Variants in ARL5A observed in about 807,000 individuals in gnomAD.
ARL5A encodes ARF like GTPase 5A.
In ARL5A, 18 loss-of-function variants were observed where a neutral mutation model predicts 25.9. The observed-to-expected ratio is 0.69, with a 90% confidence interval of 0.48 to 1.03. The LOEUF (loss-of-function observed/expected upper bound fraction) is 1.03. Ranked by LOEUF, ARL5A falls within the 50% of genes least tolerant of loss-of-function variation. ARL5A has a pLI of 0.00. For synonymous variants in ARL5A, 61 were observed against 67.5 expected, an observed-to-expected ratio of 0.90 and a Z score of 0.47; for missense variants, 170 against 211.9, an observed-to-expected ratio of 0.80 and a Z score of 1.23.
In ARL5A at chr2:151,828,120, G is replaced by A; in HGVS notation, c.46+11C>T. 2 of 1,609,150 alleles carry A rather than the reference G, an allele frequency of 1.2e-6. No individual in the cohort carries two copies. The highest frequency in any genetic ancestry group is 1.7e-6 in the Non-Finnish European group (2 of 1,177,644). ...TCCCCAACCCGTACGCCCGCGGACC[G>A]AGCTCCTCACCCTGGTGATTGAACA... On this transcript the variant is annotated intron_variant, in intron 1 of 5. Transcript: ENST00000295087.
intron 4 of ARL5A, among the ~76,000 whole-genome samples, chr2:151,809,337 T>C (rs1299396768): frequency 6.6e-6 from 1 of 152,176 alleles, no homozygotes; most frequent in Non-Finnish European, 1.5e-5. Flanking sequence ...GAACTGAAAA[T>C]TGAAAAACAC....
intron 4 of ARL5A, among the ~76,000 whole-genome samples, chr2:151,811,566 CTTAT>C (rs914013730): frequency 1.3e-5 from 2 of 151,488 alleles, no homozygotes; most frequent in African/African-American, 2.4e-5. Flanking sequence ...TTTATTTCTA[CTTAT>C]TTATTTTTAA....
chr2:151,808,012 T>G (rs1261324471), intron 4 of ARL5A, among the ~76,000 whole-genome samples: 1 of 152,166 alleles, frequency 6.6e-6, no homozygotes, highest in African/African-American at 2.4e-5. Context: ...AGCCAGGGAC[T>G]TCCTTGATAA....
chr2:151,817,730 G>T (rs1055893061), intron 1 of ARL5A, among the ~76,000 whole-genome samples: 14 of 152,226 alleles, frequency 9.2e-5, no homozygotes, highest in African/African-American at 3.4e-4. Flanking sequence ...GGCCAGGTGT[G>T]GTGGCTCATG....
chr2:151,808,275 G>T (rs1236592590), intron 4 of ARL5A, among the ~76,000 whole-genome samples: 1 of 152,082 alleles, frequency 6.6e-6, no homozygotes, highest in Non-Finnish European at 1.5e-5. Context: ...CTGTTGAATG[G>T]CATTTGTCTT....
intron 1 of ARL5A, among the ~76,000 whole-genome samples, chr2:151,823,006 G>T (rs922200947): frequency 6.6e-6 from 1 of 152,126 alleles, no homozygotes; most frequent in African/African-American, 2.4e-5. Context: ...TTATTGTAGA[G>T]AATTACTATC....
In ARL5A at chr2:151,828,234, C is replaced by G; in HGVS notation, c.-58G>C. ...CCGGGCCGCCTGGCTTCCCCCGGCTCAGGCTGAGGGGGAGGAGAGAGACGC... is the reference window on the plus strand; with the variant it reads ...CCGGGCCGCCTGGCTTCCCCCGGCTGAGGCTGAGGGGGAGGAGAGAGACGC... On this transcript the variant is annotated 5_prime_UTR_variant, in exon 1 of 6. It removes the in-frame stop codon of an upstream open reading frame in the 5' UTR. Coordinates refer to ENST00000295087, the MANE Select transcript of ARL5A (RefSeq NM_012097.4). 1 of 1,528,020 alleles carries G rather than the reference C, an allele frequency of 6.5e-7. No individual in the cohort carries two copies. The highest frequency in any genetic ancestry group is 9.0e-7 in the Non-Finnish European group (1 of 1,107,578). The allele number at this position is 1,528,020 out of a possible 1,614,324, so 94.7% of individuals were successfully genotyped here.
At chr2:151,819,086 TC>T (rs1163218211) in intron 1 of ARL5A, among the ~76,000 whole-genome samples, 2 of 151,712 alleles carry the variant, frequency 1.3e-5, no homozygotes, top group African/African-American at 4.8e-5. Flanking sequence ...GCAGGAAAAG[TC>T]CAAAAGGAAA....
chr2:151,824,353 TTATC>T (rs1301856047), intron 1 of ARL5A, among the ~76,000 whole-genome samples: 4 of 152,334 alleles, frequency 2.6e-5, no homozygotes, highest in South Asian at 4.1e-4. Flanking sequence ...GTATTTTCAA[TTATC>T]TATCTATCAC....
rs1034953760 is a variant in ARL5A, at chr2:151,812,344, A to T, written c.339+13T>A. On this transcript the variant is annotated intron_variant, in intron 4 of 5. Coordinates refer to ENST00000295087, the MANE Select transcript of ARL5A (RefSeq NM_012097.4). ...CCTTCCCCATATCTAATGTAAAAAG[A>T]CTACTTACTTACCTCATGCGCTAAC... 1.9e-6 allele frequency: 3 copies of T among 1,562,378 alleles called. No individual in the cohort carries two copies. Among genetic ancestry groups the T allele is most frequent in the Non-Finnish European group, 8.7e-7 (1 of 1,146,784 alleles).
chr2:151,814,437 C>T (rs910099953), intron 2 of ARL5A, 121 bp from the exon 3 acceptor site: 8 of 791,436 alleles, frequency 1.0e-5, no homozygotes, highest in African/African-American at 9.0e-5. Context: ...ATATCTTTTT[C>T]CCACTAGTTT....
chr2:151,821,775 C>CTTTTTTTTTTTTTTTT (rs760341359), intron 1 of ARL5A, among the ~76,000 whole-genome samples: 2 of 113,542 alleles, frequency 1.8e-5, no homozygotes, highest in Admixed American at 1.0e-4. Flanking sequence ...GCCCGGCTTT[C>CTTTTTTTTTTTTTTTT]TTTTTTTTTT....
At chr2:151,824,608 GCAAC>G (rs2099832785) in intron 1 of ARL5A, among the ~76,000 whole-genome samples, 1 of 152,106 alleles carries the variant, frequency 6.6e-6, no homozygotes, top group South Asian at 2.1e-4. Flanking sequence ...TCCTTTTCTA[GCAAC>G]CAACCAAGAG....
chr2:151,810,224 T>C (rs2099830657), intron 4 of ARL5A, among the ~76,000 whole-genome samples: 1 of 152,268 alleles, frequency 6.6e-6, no homozygotes, highest in Non-Finnish European at 1.5e-5. Flanking sequence ...TCATTTATGA[T>C]AAAACTTTGA....
chr2:151,808,093 T>C (rs1401250941), intron 4 of ARL5A, among the ~76,000 whole-genome samples: 1 of 152,208 alleles, frequency 6.6e-6, no homozygotes, highest in Non-Finnish European at 1.5e-5. Context: ...TTTAAGTTTA[T>C]GTACAATTTG....
Position 151,828,194 on chromosome 2 carries a change from C to CG in ARL5A, c.-19_-18insC, listed in dbSNP as rs747870295. The CG allele has an allele frequency of 1.0e-4, 164 of 1,605,242 alleles. No individual in the cohort carries two copies. The highest frequency in any genetic ancestry group is 1.4e-4 in the Admixed American group (8 of 59,136). ...ATTCCCATTCTCGGGCAGCGGACCC[C>CG]CCCCCTCCAGACACCCGGGCCGCCT... On this transcript the variant is annotated 5_prime_UTR_variant, in exon 1 of 6. Coordinates refer to ENST00000295087, the MANE Select transcript of ARL5A (RefSeq NM_012097.4).
intron 3 of ARL5A, 132 bp from the exon 4 acceptor site, chr2:151,812,572 G>C: frequency 1.8e-6 from 1 of 542,922 alleles, no homozygotes; most frequent in Non-Finnish European, 3.1e-6. Context: ...GAAAATCAGA[G>C]CTACCTATAC....
chr2:151,827,838 G>T, intron 1 of ARL5A: 1 of 449,244 alleles, frequency 2.2e-6, no homozygotes, highest in Non-Finnish European at 3.9e-6. Flanking sequence ...AGGGACGTCG[G>T]ACCTAGGGCA....
Position 151,799,339 on chromosome 2 carries a change from T to C in ARL5A, c.*3937A>G, listed in dbSNP as rs1347311668. 2 of 152,190 alleles carry C rather than the reference T, an allele frequency of 1.3e-5. No individual in the cohort carries two copies. Among genetic ancestry groups the C allele is most frequent in the Non-Finnish European group, 2.9e-5 (2 of 68,026 alleles). The allele number at this position is 152,190 out of a possible 1,614,324, so 9.4% of individuals were successfully genotyped here. A position where few individuals can be genotyped will look rare whatever the true frequency, so the allele number is the denominator to read the frequency against. On this transcript the variant is annotated 3_prime_UTR_variant, in exon 6 of 6. Coordinates refer to ENST00000295087, the MANE Select transcript of ARL5A (RefSeq NM_012097.4). ...TTTAGACATCTAATGTTTATCTCTG[T>C]TTTGTAAGTAAACATGAAAAAAAAA... is the stretch of plus-strand genomic sequence containing the variant.
Sources: gnomAD v4.1 joint callset for allele counts (sites outside exome capture counted in the v4.1 genomes callset) on GRCh38, gnomAD v4.1.1 for gene constraint, MANE v1.5 for transcripts, NCBI Gene and HGNC (gene_info 2026-07-23, HGNC 2026-07-21) for gene names.